Variants in JADE1 observed in about 807,000 individuals in gnomAD.
JADE1 encodes the protein jade family PHD finger 1.
Under a neutral mutation model 81.8 loss-of-function variants are expected in JADE1, and 14 were observed. That is an observed-to-expected ratio of 0.17 (90% confidence interval 0.11 to 0.27). The LOEUF (loss-of-function observed/expected upper bound fraction) is 0.27, where lower values mean the gene tolerates loss of function less well. Among genes scored for constraint, JADE1 ranks in the 10% least tolerant of loss-of-function variants. The probability of loss-of-function intolerance (pLI) is 1.00; values close to 1 mark genes in which losing one functional copy is unlikely to be tolerated. For synonymous variants in JADE1, 353 were observed against 391.9 expected (o/e 0.90, Z 1.17); for missense variants, 690 against 1,047.9 (o/e 0.66, Z 4.71).
chr4:128,867,010 T>A (rs1731830055), intron 9 of JADE1, among the ~76,000 whole-genome samples: 1 of 152,164 alleles, frequency 6.6e-6, no homozygotes, highest in Non-Finnish European at 1.5e-5. Flanking sequence ...CAAATCTAAA[T>A]GTTGATTACT....
At chr4:128,822,013 C>CT (rs1401458501) in intron 1 of JADE1, among the ~76,000 whole-genome samples, 2 of 152,036 alleles carry the variant, frequency 1.3e-5, no homozygotes, top group Non-Finnish European at 1.5e-5. Flanking sequence ...TACCTTTTCT[C>CT]TTTTTTTTCT....
intron 1 of JADE1, among the ~76,000 whole-genome samples, chr4:128,821,415 C>T (rs1727555727): frequency 6.6e-6 from 1 of 151,956 alleles, no homozygotes; most frequent in Non-Finnish European, 1.5e-5. Context: ...TGCCAGCTAC[C>T]TCTTGAACAT....
At chr4:128,822,674 A>G (rs375754613) in intron 1 of JADE1, among the ~76,000 whole-genome samples, 3 of 151,850 alleles carry the variant, frequency 2.0e-5, no homozygotes, top group Non-Finnish European at 2.9e-5. Flanking sequence ...AGCCGAGATC[A>G]CACCATTGCA....
Position 128,873,804 on chromosome 4 carries a change from G to A in JADE1, c.*1542G>A, listed in dbSNP as rs1732380077. 1 of 152,584 alleles carries A rather than the reference G, an allele frequency of 6.6e-6. No homozygotes were observed. Among genetic ancestry groups the A allele is most frequent in the African/African-American group, 2.4e-5 (1 of 41,448 alleles). The allele number at this position is 152,584 out of a possible 1,614,324, so 9.5% of individuals were successfully genotyped here. A position where few individuals can be genotyped will look rare whatever the true frequency, so the allele number is the denominator to read the frequency against. On this transcript the variant is annotated 3_prime_UTR_variant, in exon 11 of 11. Coordinates refer to ENST00000226319, the MANE Select transcript of JADE1 (RefSeq NM_199320.4). ...TGGCAGGGACATTATGATACTTAATGAATAATGCTTTGAGGAGTTCTGCAG... is the reference window on the plus strand; with the variant it reads ...TGGCAGGGACATTATGATACTTAATAAATAATGCTTTGAGGAGTTCTGCAG...
intron 1 of JADE1, among the ~76,000 whole-genome samples, chr4:128,818,365 C>T (rs930497097): frequency 1.3e-5 from 2 of 152,154 alleles, no homozygotes; most frequent in Non-Finnish European, 2.9e-5. Context: ...AGGTGATGCA[C>T]CCGCCTCAGC....
intron 9 of JADE1, among the ~76,000 whole-genome samples, chr4:128,866,481 T>G (rs1490085597): frequency 2.0e-5 from 3 of 152,232 alleles, no homozygotes; most frequent in African/African-American, 7.2e-5. Flanking sequence ...CAAATGAGAC[T>G]GCCTTCAGCA....
intron 1 of JADE1, among the ~76,000 whole-genome samples, chr4:128,825,166 A>G (rs1470983189): frequency 2.6e-5 from 4 of 152,094 alleles, no homozygotes; most frequent in Admixed American, 2.6e-4. Context: ...TAGCCTCTCA[A>G]GTAGCTGGAA....
rs1054547662 is a variant in JADE1 at position 128,846,607 on chromosome 4, AG to A, written c.296+76del. The A allele has an allele frequency of 8.1e-6, 12 of 1,480,222 alleles. No individual in the cohort carries two copies. Among genetic ancestry groups the A allele is most frequent in the Admixed American group, 7.9e-5 (4 of 50,714 alleles). The allele number at this position is 1,480,222 out of a possible 1,614,324, so 91.7% of individuals were successfully genotyped here. ...TCCCTGACAGCAGGCATCTGAGAAG[AG>A]ACAATTTCTGTGGGAAGAGACAGTT... On this transcript the variant is annotated intron_variant, in intron 4 of 10. Coordinates refer to ENST00000226319, the MANE Select transcript of JADE1 (RefSeq NM_199320.4). The surrounding 1 kb of genome is among the most constrained non-coding windows in gnomAD (Gnocchi z 4.0).
At chr4:128,868,672 G>A (rs762757330) in intron 10 of JADE1, among the ~76,000 whole-genome samples, 6 of 152,154 alleles carry the variant, frequency 3.9e-5, no homozygotes, top group African/African-American at 1.4e-4. Flanking sequence ...AGATTCCGTT[G>A]ATCTTAAAGT....
rs778693017 is a variant in JADE1 at position 128,872,695 on chromosome 4, C to A, written c.*433C>A. 37 of 284,804 alleles carry A rather than the reference C, an allele frequency of 1.3e-4. No individual in the cohort carries two copies. The highest frequency in any genetic ancestry group is 1.3e-3 in the Middle Eastern group (1 of 782). The allele number at this position is 284,804 out of a possible 1,614,324, so 17.6% of individuals were successfully genotyped here. The stretch of plus-strand genomic sequence containing the variant: ...ATTCACAGCCCATAAAGTTTATTTT[C>A]TAGGACTGTGGTAGATCTTGAAATC... On this transcript the variant is annotated 3_prime_UTR_variant, in exon 11 of 11. Transcript: ENST00000226319.
intron 4 of JADE1, among the ~76,000 whole-genome samples, chr4:128,847,346 C>T (rs1370149974): frequency 6.6e-6 from 1 of 152,200 alleles, no homozygotes; most frequent in African/African-American, 2.4e-5. Flanking sequence ...CTGGCCCTCA[C>T]CCACTTTGTG....
chr4:128,848,963 G>C lies in JADE1; in HGVS notation c.297-17G>C. 1 of 1,611,922 alleles carries C rather than the reference G, an allele frequency of 6.2e-7. No individual in the cohort carries two copies. Among genetic ancestry groups the C allele is most frequent in the Non-Finnish European group, 8.5e-7 (1 of 1,179,158 alleles). On this transcript the variant is annotated splice_polypyrimidine_tract_variant and intron_variant, in intron 4 of 10. Coordinates refer to ENST00000226319, the MANE Select transcript of JADE1 (RefSeq NM_199320.4). ...GCTGAAAGGGTAACCTGGCTGCCTT[G>C]TTTTTTTATTATCCAGGGTTGTGTC...
At chr4:128,862,649 A>C in intron 9 of JADE1, 1 of 1,017,732 alleles carries the variant, frequency 9.8e-7, no homozygotes. Context: ...CAGAGATGGG[A>C]AAATTTCTTG....
chr4:128,836,410 A>T (rs1728986198), intron 2 of JADE1, among the ~76,000 whole-genome samples: 1 of 152,072 alleles, frequency 6.6e-6, no homozygotes, highest in Admixed American at 6.6e-5. Flanking sequence ...TATATATATA[A>T]AATATACTAT....
At chr4:128,839,219 G>T in intron 2 of JADE1, among the ~76,000 whole-genome samples, 1 of 152,220 alleles carries the variant, frequency 6.6e-6, no homozygotes, top group East Asian at 1.9e-4. Context: ...TAACTTTTTG[G>T]TACAACAAGA....
intron 9 of JADE1, chr4:128,864,229 C>A: frequency 1.6e-6 from 1 of 609,456 alleles, no homozygotes; most frequent in Middle Eastern, 8.3e-4. Flanking sequence ...CTCACTGCAG[C>A]CTCCGCCTCC....
chr4:128,827,970 A>G (rs1466436116), intron 1 of JADE1: 1 of 809,022 alleles, frequency 1.2e-6, no homozygotes, highest in Non-Finnish European at 1.5e-6. Flanking sequence ...TTTGTTCTTC[A>G]GGACTCAGCT....
intron 6 of JADE1, among the ~76,000 whole-genome samples, chr4:128,853,520 G>A (rs1278691107): frequency 2.6e-5 from 4 of 152,148 alleles, no homozygotes; most frequent in South Asian, 2.1e-4. Context: ...GAGGATGGGC[G>A]CTAGGTAACT....
In JADE1 at chr4:128,862,025, G is replaced by C; in HGVS notation, c.1303G>C (p.Asp435His). 6.2e-7 allele frequency: 1 copy of C among 1,614,178 alleles called. No homozygotes were observed. Among genetic ancestry groups the C allele is most frequent in the Non-Finnish European group, 8.5e-7 (1 of 1,180,032 alleles). Residue 435 changes from aspartate (D) to histidine (H), a missense_variant, in exon 9 of 11, where the codon GAT becomes CAT. Around this residue, in one of 8 missense-constraint regions of JADE1, gnomAD observed 63 missense variants for 138.4 expected, o/e 0.46. Coordinates refer to ENST00000226319, the MANE Select transcript of JADE1 (RefSeq NM_199320.4). ...GTTCTACACCTTCGTCAACCTGCTG[G>C]ATGTTGCCAGGGCTCTGCGGCTGCC... Reference protein sequence around the residue: ...DEFYTFVNLLDVARALRLPEE... With the variant: ...DEFYTFVNLLHVARALRLPEE...
Sources: allele counts gnomAD v4.1 joint callset (sites outside exome capture counted in the v4.1 genomes callset), GRCh38; gene constraint gnomAD v4.1.1; regional missense constraint gnomAD v4.1.1; non-coding constraint Gnocchi (gnomAD v3.1); transcripts MANE v1.5; gene names NCBI Gene and HGNC (gene_info 2026-07-23, HGNC 2026-07-21).